HS3ST5: variants seen among roughly 807,000 people sequenced by gnomAD.
The protein encoded by HS3ST5 is heparan sulfate glucosamine 3-O-sulfotransferase 5.
In HS3ST5, 10 loss-of-function variants were observed where a neutral mutation model predicts 25.4. That is an observed-to-expected ratio of 0.39 (90% CI 0.24 to 0.67). HS3ST5 has a LOEUF of 0.67. Ranked by LOEUF, HS3ST5 falls within the 30% of genes least tolerant of loss-of-function variation. The probability of loss-of-function intolerance (pLI) is 0.44; values close to 1 mark genes in which losing one functional copy is unlikely to be tolerated. For synonymous variants in HS3ST5, 170 were observed against 162.4 expected (o/e 1.05, Z -0.36); for missense variants, 324 against 420.7 (o/e 0.77, Z 2.01).
intron 2 of HS3ST5, among the ~76,000 whole-genome samples, chr6:114,199,089 A>G (rs1562234979): frequency 6.6e-6 from 1 of 152,226 alleles, no homozygotes; most frequent in Non-Finnish European, 1.5e-5. Flanking sequence ...TAGGGGTAAA[A>G]ATATGAAAGT....
At chr6:114,109,105 G>A (rs1466725628) in intron 3 of HS3ST5, among the ~76,000 whole-genome samples, 1 of 152,114 alleles carries the variant, frequency 6.6e-6, no homozygotes, top group Non-Finnish European at 1.5e-5. Flanking sequence ...CAAGGCTGCA[G>A]TGACCTGTGT....
chr6:114,065,423 AG>A (rs1220030089), intron 3 of HS3ST5, among the ~76,000 whole-genome samples: 1 of 152,228 alleles, frequency 6.6e-6, no homozygotes, highest in East Asian at 1.9e-4. Flanking sequence ...GTTGCAGAAC[AG>A]GGTGGCAGAA....
intron 3 of HS3ST5, among the ~76,000 whole-genome samples, chr6:114,072,043 G>C (rs963999145): frequency 6.6e-6 from 1 of 152,042 alleles, no homozygotes; most frequent in Non-Finnish European, 1.5e-5. Flanking sequence ...GCTTAGTCTG[G>C]GGTTGTAAAT....
At chr6:114,249,167 A>G (rs1029320137) in intron 1 of HS3ST5, among the ~76,000 whole-genome samples, 1 of 152,220 alleles carries the variant, frequency 6.6e-6, no homozygotes, top group Admixed American at 6.5e-5. Context: ...AAGAGACTAC[A>G]TACCTAAAAA....
At chr6:114,170,179 T>G (rs1779411418) in intron 2 of HS3ST5, among the ~76,000 whole-genome samples, 1 of 152,144 alleles carries the variant, frequency 6.6e-6, no homozygotes, top group African/African-American at 2.4e-5. Flanking sequence ...TTATTAAGTG[T>G]CAGAGTTTAT....
chr6:114,236,809 T>C (rs926872286), intron 1 of HS3ST5, among the ~76,000 whole-genome samples: 7 of 152,210 alleles, frequency 4.6e-5, no homozygotes, highest in African/African-American at 1.7e-4. Context: ...CATGTAACAA[T>C]CGGTACTGCA....
intron 2 of HS3ST5, among the ~76,000 whole-genome samples, chr6:114,199,283 A>G (rs1780904771): frequency 6.6e-6 from 1 of 152,208 alleles, no homozygotes; most frequent in East Asian, 1.9e-4. Context: ...GCCGTAAAGG[A>G]TGCCAGCACA....
chr6:114,300,270 G>A (rs1313387643), intron 1 of HS3ST5, among the ~76,000 whole-genome samples: 1 of 152,018 alleles, frequency 6.6e-6, no homozygotes, highest in Non-Finnish European at 1.5e-5. Context: ...TATCTGAAAA[G>A]AGTTTTGTAT....
chr6:114,123,302 G>A (rs896080145), intron 3 of HS3ST5, among the ~76,000 whole-genome samples: 12 of 152,172 alleles, frequency 7.9e-5, no homozygotes, highest in Non-Finnish European at 1.2e-4. Flanking sequence ...AGTTGGAAGA[G>A]ACCTCAAATA....
At chr6:114,110,253 G>C (rs1481144614) in intron 3 of HS3ST5, among the ~76,000 whole-genome samples, 1 of 151,986 alleles carries the variant, frequency 6.6e-6, no homozygotes, top group East Asian at 1.9e-4. Flanking sequence ...CTGTGGCCTA[G>C]AGTCTATACA....
At chr6:114,170,088 A>G (rs1252664599) in intron 2 of HS3ST5, among the ~76,000 whole-genome samples, 1 of 152,116 alleles carries the variant, frequency 6.6e-6, no homozygotes, top group Non-Finnish European at 1.5e-5. Context: ...AAGAGCTAAC[A>G]AAAAATGATT....
intron 2 of HS3ST5, among the ~76,000 whole-genome samples, chr6:114,169,399 A>G (rs146110434): frequency 4.6e-5 from 7 of 152,300 alleles, no homozygotes; most frequent in African/African-American, 1.7e-4. Flanking sequence ...CTCCTCTCTG[A>G]TTAACATACT....
intron 3 of HS3ST5, among the ~76,000 whole-genome samples, chr6:114,125,202 C>T (rs1389805949): frequency 6.6e-6 from 1 of 152,134 alleles, no homozygotes; most frequent in Non-Finnish European, 1.5e-5. Context: ...ACAATTTGAG[C>T]TTTCTAGCAT....
chr6:114,179,777 C>T (rs1158653250), intron 2 of HS3ST5, among the ~76,000 whole-genome samples: 1 of 151,304 alleles, frequency 6.6e-6, no homozygotes, highest in Non-Finnish European at 1.5e-5. Context: ...GCTGAGAAGC[C>T]AGGAAGCCAG....
chr6:114,201,214 T>C (rs1178335616), intron 2 of HS3ST5, among the ~76,000 whole-genome samples: 1 of 152,190 alleles, frequency 6.6e-6, no homozygotes, highest in Non-Finnish European at 1.5e-5. Context: ...CTATTTCACT[T>C]GACGGCAACT....
Position 114,120,137 on chromosome 6 carries a change from G to A in HS3ST5, c.-33+48214C>T, listed in dbSNP as rs563453431. ...TCTAGCCTGGGTGATAGAGCGAGAT[G>A]CTGTCTCAAACAAAACAAAACAAAA... On this transcript the variant is annotated intron_variant, in intron 3 of 4. Transcript: ENST00000312719. 3.2e-4 allele frequency among the ~76,000 whole-genome samples: 49 copies of A among 152,114 alleles called. 1 individual carries two copies. Among genetic ancestry groups the A allele is most frequent in the African/African-American group, 9.9e-4 (41 of 41,506 alleles).
intron 2 of HS3ST5, among the ~76,000 whole-genome samples, chr6:114,187,664 T>C (rs373437084): frequency 6.6e-6 from 1 of 152,220 alleles, no homozygotes. Flanking sequence ...ATAAACCTAG[T>C]TGACAAAGCA....
intron 1 of HS3ST5, among the ~76,000 whole-genome samples, chr6:114,282,214 C>T (rs1774145360): frequency 6.6e-6 from 1 of 151,792 alleles, no homozygotes; most frequent in South Asian, 2.1e-4. Flanking sequence ...ATAAAAAATC[C>T]CATTTTTCTT....
At chr6:114,243,492 G>A (rs1011315795) in intron 1 of HS3ST5, among the ~76,000 whole-genome samples, 1 of 152,282 alleles carries the variant, frequency 6.6e-6, no homozygotes, top group East Asian at 1.9e-4. Context: ...GGTTATCATG[G>A]GGGTTTTTAA....
Sources: allele counts gnomAD v4.1 joint callset (sites outside exome capture counted in the v4.1 genomes callset), GRCh38; gene constraint gnomAD v4.1.1; transcripts MANE v1.5; gene names NCBI Gene and HGNC (gene_info 2026-07-23, HGNC 2026-07-21).